FAM120B: variants seen among roughly 807,000 people sequenced by gnomAD.
FAM120B encodes the protein family with sequence similarity 120 member B.
In FAM120B, 83 loss-of-function variants were observed where a neutral mutation model predicts 96.3. That is an observed-to-expected ratio of 0.86 (90% CI 0.72 to 1.03). The LOEUF is 1.03. Among genes scored for constraint, FAM120B ranks in the 50% least tolerant of loss-of-function variants. The pLI is 0.00. For synonymous variants in FAM120B, 407 were observed against 402.7 expected, an observed-to-expected ratio of 1.01 and a Z score of -0.13; for missense variants, 1,027 against 1,121.2, an observed-to-expected ratio of 0.92 and a Z score of 1.20.
Position 170,358,304 on chromosome 6 carries a change from C to T in FAM120B, c.2269C>T (p.Leu757Phe). The part of the protein sequence containing the change: ...LCLQGKSTSQ[L>F]VNLQPDYINP... ...CCTCCAAGGAAAATCCACCTCGCAGCTTGTAAATCTACAGGTACAGACGTG... is the reference window on the plus strand; with the variant it reads ...CCTCCAAGGAAAATCCACCTCGCAGTTTGTAAATCTACAGGTACAGACGTG... The change falls in exon 6 of 11, where the codon CTT becomes TTT. Residue 757 changes from leucine to phenylalanine, a missense_variant. Coordinates refer to ENST00000476287, the MANE Select transcript of FAM120B (RefSeq NM_032448.3). 1 of 1,604,826 alleles carries T rather than the reference C, an allele frequency of 6.2e-7. No homozygotes were observed.
At chr6:170,305,168 G>T (rs921177643), upstream of FAM120B, among the ~76,000 whole-genome samples, 52 of 152,128 alleles carry the variant, frequency 3.4e-4, no homozygotes, top group African/African-American at 1.2e-3. Flanking sequence ...TATGAACTTG[G>T]GGGGGGCGGG....
Position 170,388,268 on chromosome 6 carries a change from T to G in FAM120B, c.2284-19T>G. 1 of 1,610,864 alleles carries G rather than the reference T, an allele frequency of 6.2e-7. No individual in the cohort carries two copies. Among genetic ancestry groups the G allele is most frequent in the Non-Finnish European group, 8.5e-7 (1 of 1,178,270 alleles). On this transcript the variant is annotated intron_variant, in intron 6 of 10. Coordinates refer to ENST00000476287, the MANE Select transcript of FAM120B (RefSeq NM_032448.3). ...TGACTCCTGTCTTACATTTTTGGTG[T>G]GTGTTCTGGTCTCCACAGCCTGATT...
At chr6:170,369,848 C>G (rs190447757) in intron 6 of FAM120B, among the ~76,000 whole-genome samples, 1 of 152,090 alleles carries the variant, frequency 6.6e-6, no homozygotes, top group African/African-American at 2.4e-5. Context: ...TTCCATGGAA[C>G]CTTTGCACCT....
chr6:170,387,879 A>G (rs909079905), intron 6 of FAM120B, among the ~76,000 whole-genome samples: 7 of 152,208 alleles, frequency 4.6e-5, no homozygotes, highest in African/African-American at 1.7e-4. Context: ...TCAGGAAAGA[A>G]TGCACCCAGA....
At chr6:170,298,822 C>T (rs1784080213) in intron 1 of FAM120B, among the ~76,000 whole-genome samples, 1 of 152,234 alleles carries the variant, frequency 6.6e-6, no homozygotes, top group African/African-American at 2.4e-5. Flanking sequence ...CACCTGCCAG[C>T]TGTCACTCAT....
chr6:170,398,922 A>T (rs1290223237), intron 9 of FAM120B, among the ~76,000 whole-genome samples: 24 of 151,542 alleles, frequency 1.6e-4, no homozygotes, highest in African/African-American at 5.4e-4. Context: ...CTATGTCATA[A>T]CCCTTAGGAG....
chr6:170,326,477 A>G (rs1785595617), intron 3 of FAM120B, among the ~76,000 whole-genome samples: 1 of 152,206 alleles, frequency 6.6e-6, no homozygotes, highest in Non-Finnish European at 1.5e-5. Flanking sequence ...GGCAGCATAC[A>G]ATATGTAACC....
chr6:170,323,405 AC>A, intron 3 of FAM120B, 146 bp downstream of exon 3: 1 of 660,382 alleles, frequency 1.5e-6, no homozygotes, highest in East Asian at 2.9e-5. Context: ...AATTGAGAAT[AC>A]CACTGACATC....
chr6:170,350,633 A>G lies in FAM120B; in HGVS notation c.2190+2310A>G, dbSNP rs118018751. 0.01 allele frequency among the ~76,000 whole-genome samples: 1,570 copies of G among 152,292 alleles called. 68 individuals carry two copies. In the East Asian group the frequency reaches 0.11, roughly 10 times the overall value. ...CACAGTATTCACTGGTAGTACCTCT[A>G]GGTATGGGAGAAACTGAGGCAACTG... On this transcript the variant is annotated intron_variant, in intron 5 of 10. Coordinates refer to ENST00000476287, the MANE Select transcript of FAM120B (RefSeq NM_032448.3).
At chr6:170,344,891 C>T (rs921449212) in intron 4 of FAM120B, among the ~76,000 whole-genome samples, 6 of 152,202 alleles carry the variant, frequency 3.9e-5, no homozygotes, top group Non-Finnish European at 7.3e-5. Context: ...TTTCTTCTCT[C>T]GTCTTTGTTC....
upstream of FAM120B, among the ~76,000 whole-genome samples, chr6:170,306,204 G>A (rs1042628799): frequency 6.6e-6 from 1 of 152,146 alleles, no homozygotes; most frequent in Non-Finnish European, 1.5e-5. Context: ...GGGCCGCGCC[G>A]TCCCGATACG....
intron 5 of FAM120B, among the ~76,000 whole-genome samples, chr6:170,355,853 T>C (rs1238780665): frequency 1.3e-5 from 2 of 152,248 alleles, no homozygotes; most frequent in African/African-American, 2.4e-5. Context: ...CGTTGAGTCA[T>C]AGTGGGACTT....
intron 1 of FAM120B, among the ~76,000 whole-genome samples, chr6:170,300,005 A>G (rs1352712203): frequency 6.6e-6 from 1 of 152,216 alleles, no homozygotes; most frequent in African/African-American, 2.4e-5. Flanking sequence ...GCAGCATTTA[A>G]TGTGCATTCT....
rs73038660 is a variant in FAM120B, at chr6:170,382,848, T to G, written c.2284-5439T>G. Reference sequence around the variant, plus strand: ...AAACTAAAAGTCACGAAAATAATCTTGAAAAAGAAAAAGAAAATGGGCAGA... The same window carrying G: ...AAACTAAAAGTCACGAAAATAATCTGGAAAAAGAAAAAGAAAATGGGCAGA... On this transcript the variant is annotated intron_variant, in intron 6 of 10. Coordinates refer to ENST00000476287, the MANE Select transcript of FAM120B (RefSeq NM_032448.3). Among the ~76,000 whole-genome samples, 408 of 152,142 alleles carry G rather than the reference T, an allele frequency of 2.7e-3. 12 individuals carry two copies. The highest frequency in any genetic ancestry group is 3.3e-3 in the Non-Finnish European group (225 of 67,982).
At chr6:170,327,723 A>T (rs1273739390) in intron 3 of FAM120B, among the ~76,000 whole-genome samples, 1 of 151,466 alleles carries the variant, frequency 6.6e-6, no homozygotes, top group African/African-American at 2.4e-5. Context: ...CACACTGCAC[A>T]TGCAGGCTGC....
chr6:170,404,412 C>A, intron 9 of FAM120B, 138 bp from the exon 10 acceptor site: 1 of 675,972 alleles, frequency 1.5e-6, no homozygotes, highest in Non-Finnish European at 2.5e-6. Flanking sequence ...CATGTGGCCA[C>A]AACTGTAAAG....
chr6:170,382,690 G>A (rs1438137330), intron 6 of FAM120B, among the ~76,000 whole-genome samples: 1 of 152,162 alleles, frequency 6.6e-6, no homozygotes, highest in Non-Finnish European at 1.5e-5. Flanking sequence ...TTCATGTACT[G>A]GAAGGCTCAG....
chr6:170,400,840 C>A (rs1049541882), intron 9 of FAM120B, among the ~76,000 whole-genome samples: 12 of 152,310 alleles, frequency 7.9e-5, no homozygotes, highest in African/African-American at 1.4e-4. Flanking sequence ...TGTGGCCTGG[C>A]GGGAGCAGAG....
At chr6:170,388,621 G>A in intron 7 of FAM120B, 128 bp downstream of exon 7, 2 of 763,830 alleles carry the variant, frequency 2.6e-6, no homozygotes, top group South Asian at 3.4e-5. Flanking sequence ...GTTAAACCAG[G>A]AACACATGAT....
Sources: allele counts gnomAD v4.1 joint callset (sites outside exome capture counted in the v4.1 genomes callset), GRCh38; gene constraint gnomAD v4.1.1; transcripts MANE v1.5; gene names NCBI Gene and HGNC (gene_info 2026-07-23, HGNC 2026-07-21).